Variants in LIMS4 observed in about 807,000 individuals in gnomAD.
The protein encoded by LIMS4 is LIM and senescent cell antigen-like-containing domain protein 4.
At chr2:110,407,593 C>T in the LIMS4 span, among the ~76,000 whole-genome samples, 247 of 134,358 alleles carry the variant, frequency 1.8e-3, 7 homozygotes, top group Middle Eastern at 0.014. Flanking sequence ...TGCTTCCCTG[C>T]GTGTGAGGCC....
the LIMS4 span, among the ~76,000 whole-genome samples, chr2:110,425,210 A>G: frequency 7.0e-6 from 1 of 142,772 alleles, no homozygotes; most frequent in South Asian, 2.2e-4. Context: ...TAGGCAACAT[A>G]TCCAGACCAG....
the LIMS4 span, among the ~76,000 whole-genome samples, chr2:110,397,158 G>T: frequency 1.9e-5 from 1 of 53,044 alleles, no homozygotes; most frequent in Non-Finnish European, 3.8e-5. Flanking sequence ...CTGTTTTTGA[G>T]GTGGGATAAA....
At chr2:110,411,846 C>T in the LIMS4 span, among the ~76,000 whole-genome samples, 5 of 38,778 alleles carry the variant, frequency 1.3e-4, no homozygotes, top group East Asian at 3.8e-3. Context: ...ACTGGTATTA[C>T]ATTTCTGACA....
chr2:110,411,489 T>C, the LIMS4 span, among the ~76,000 whole-genome samples: 1 of 137,114 alleles, frequency 7.3e-6, no homozygotes, highest in East Asian at 2.1e-4. Context: ...CAAAGATCTT[T>C]TAAGGCCACT....
the LIMS4 span, among the ~76,000 whole-genome samples, chr2:110,366,927 C>T: frequency 2.7e-5 from 4 of 145,828 alleles, no homozygotes; most frequent in Non-Finnish European, 4.5e-5. Flanking sequence ...ATCAAGAATG[C>T]CATTTAATTC....
At chr2:110,365,282 CA>C in the LIMS4 span, among the ~76,000 whole-genome samples, 1 of 150,364 alleles carries the variant, frequency 6.7e-6, no homozygotes, top group Non-Finnish European at 1.5e-5. Context: ...ACCACACAAT[CA>C]GACAAAAAAC....
the LIMS4 span, among the ~76,000 whole-genome samples, chr2:110,373,676 G>A: frequency 1.3e-5 from 2 of 151,534 alleles, no homozygotes; most frequent in Non-Finnish European, 2.9e-5. Flanking sequence ...GCAGTAGGAT[G>A]GGAGGCTAGT....
chr2:110,372,141 A>G, the LIMS4 span, among the ~76,000 whole-genome samples: 1 of 142,412 alleles, frequency 7.0e-6, no homozygotes, highest in Non-Finnish European at 1.5e-5. Flanking sequence ...AAATTCTGTA[A>G]TGCAAACCCT....
the LIMS4 span, among the ~76,000 whole-genome samples, chr2:110,390,857 C>T: frequency 1.4e-4 from 22 of 152,328 alleles, no homozygotes; most frequent in Admixed American, 2.6e-4. Context: ...GGAGGGGGAG[C>T]GGGACCAAGC....
At chr2:110,378,933 A>C in the LIMS4 span, among the ~76,000 whole-genome samples, 1 of 146,118 alleles carries the variant, frequency 6.8e-6, no homozygotes, top group Non-Finnish European at 1.5e-5. Context: ...CTCTTTTCTA[A>C]ATTTATAAAA....
At chr2:110,442,944 C>T (rs1207416952), downstream of LIMS4, among the ~76,000 whole-genome samples, 1 of 152,168 alleles carries the variant, frequency 6.6e-6, no homozygotes, top group African/African-American at 2.4e-5. Context: ...GGTGATCCGC[C>T]TGCCTCGGCC....
At chr2:110,391,103 A>C in the LIMS4 span, among the ~76,000 whole-genome samples, 2 of 126,616 alleles carry the variant, frequency 1.6e-5, no homozygotes, top group Non-Finnish European at 3.1e-5. Flanking sequence ...TCCAGAGAGG[A>C]GCTTAGAAAG....
At chr2:110,371,346 T>G in the LIMS4 span, among the ~76,000 whole-genome samples, 1 of 116,918 alleles carries the variant, frequency 8.6e-6, no homozygotes, top group African/African-American at 4.7e-5. Context: ...AATTTTTATT[T>G]GTAAGGAGGG....
the LIMS4 span, among the ~76,000 whole-genome samples, chr2:110,371,248 A>AC: frequency 2.3e-5 from 3 of 128,440 alleles, no homozygotes; most frequent in African/African-American, 7.2e-5. Context: ...AAAAAAAAAA[A>AC]AAAAAAACAA....
At chr2:110,382,912 C>T in the LIMS4 span, 1 of 147,798 alleles carries the variant, frequency 6.8e-6, no homozygotes, top group East Asian at 1.9e-4. Flanking sequence ...TGTTCTAAAA[C>T]GATGGTGATG....
At chr2:110,385,136 G>A in the LIMS4 span, among the ~76,000 whole-genome samples, 9 of 144,392 alleles carry the variant, frequency 6.2e-5, no homozygotes, top group Admixed American at 4.0e-4. Flanking sequence ...TCTAATAAAG[G>A]AGTGTAGGCC....
chr2:110,425,647 C>T, the LIMS4 span, among the ~76,000 whole-genome samples: 75 of 142,560 alleles, frequency 5.3e-4, 14 homozygotes, highest in African/African-American at 2.1e-3. Flanking sequence ...GGAGAGGAGA[C>T]ATTTGAAGCT....
At chr2:110,361,959 T>A in the LIMS4 span, 40 of 1,358,778 alleles carry the variant, frequency 2.9e-5, 1 homozygote, top group Middle Eastern at 1.8e-4. Context: ...TACACAACAT[T>A]GCAACGTACA....
the LIMS4 span, chr2:110,386,760 C>T: frequency 1.3e-5 from 10 of 746,726 alleles, no homozygotes; most frequent in Middle Eastern, 3.3e-4. Context: ...GGGTCCAGGG[C>T]CCAAAGGCTC....
Sources: gnomAD v4.1 joint callset for allele counts (sites outside exome capture counted in the v4.1 genomes callset) on GRCh38, gnomAD v4.1.1 for gene constraint, MANE v1.5 for transcripts, NCBI Gene and HGNC (gene_info 2026-07-23, HGNC 2026-07-21) for gene names.